Variants in CFTR observed in about 807,000 individuals in gnomAD.
CFTR encodes the protein CF transmembrane conductance regulator, also known as cystic fibrosis transmembrane conductance regulator.
CFTR carries 181 observed loss-of-function variants against 171.6 expected under a neutral mutation model. That is an observed-to-expected ratio of 1.05 (90% CI 0.93 to 1.19). CFTR has a LOEUF of 1.19. CFTR is among the 50% of genes most tolerant of loss of function. The probability of loss-of-function intolerance (pLI) is 0.00; values close to 1 mark genes in which losing one functional copy is unlikely to be tolerated. For missense variants in CFTR, 1,968 were observed against 1,734.7 expected (o/e 1.13, Z -2.39); for synonymous variants, 583 against 608.0 (o/e 0.96, Z 0.60).
At chr7:117,660,696 A>C (rs1793264216) in intron 24 of CFTR, among the ~76,000 whole-genome samples, 2 of 151,634 alleles carry the variant, frequency 1.3e-5, no homozygotes, top group African/African-American at 4.8e-5. Context: ...GTGTATATAC[A>C]CACACATATA....
At chr7:117,659,524 C>A in intron 24 of CFTR, among the ~76,000 whole-genome samples, 1 of 152,162 alleles carries the variant, frequency 6.6e-6, no homozygotes, top group East Asian at 1.9e-4. Flanking sequence ...GTATTACCAT[C>A]CTCACTTTAG....
chr7:117,505,144 C>T (rs903343260), intron 2 of CFTR, among the ~76,000 whole-genome samples: 1 of 152,096 alleles, frequency 6.6e-6, no homozygotes, highest in African/African-American at 2.4e-5. Flanking sequence ...ATCATTATCT[C>T]TATTTTACAG....
intron 23 of CFTR, among the ~76,000 whole-genome samples, chr7:117,649,674 T>C (rs537635249): frequency 2.0e-5 from 3 of 152,158 alleles, no homozygotes; most frequent in African/African-American, 4.8e-5. Context: ...GAAGAATTTA[T>C]TGAGCATATA....
chr7:117,660,318 T>A (rs550526466), intron 24 of CFTR, among the ~76,000 whole-genome samples: 1 of 152,222 alleles, frequency 6.6e-6, no homozygotes, highest in African/African-American at 2.4e-5. Context: ...AAAAATGGTT[T>A]CTAATGATAG....
At position 117,542,123 on chromosome 7, in the gene CFTR, A is replaced by G. The variant is rs1194116390; in HGVS notation, c.1209+15A>G. On this transcript the variant is annotated intron_variant, in intron 9 of 26. Coordinates refer to ENST00000003084, the MANE Select transcript of CFTR (RefSeq NM_000492.4). ...TCTGGGAGGAGGTCAGAATTTTTAA[A>G]AAATTGTTTGCTCTAAACACCTAAC... 1.5e-6 allele frequency: 2 copies of G among 1,361,486 alleles called. No homozygotes were observed. Among genetic ancestry groups the G allele is most frequent in the African/African-American group, 2.9e-5 (2 of 69,960 alleles). 84.3% of individuals were successfully genotyped at this position (1,361,486 alleles called of 1,614,324 possible).
At chr7:117,615,775 G>C (rs931527673) in intron 21 of CFTR, among the ~76,000 whole-genome samples, 14 of 151,756 alleles carry the variant, frequency 9.2e-5, no homozygotes, top group African/African-American at 3.4e-4. Flanking sequence ...ACTCATTTTT[G>C]TTTAAAAAAT....
In CFTR at chr7:117,608,454, C is replaced by T. The variant is rs1792335187; in HGVS notation, c.2988+1701C>T. On this transcript the variant is annotated intron_variant, in intron 18 of 26. Coordinates refer to ENST00000003084, the MANE Select transcript of CFTR (RefSeq NM_000492.4). ...TCCTGAACTCCTGACCTCAAGTGAT[C>T]CACCTGCCTCAGCCTCTTAAAGAGC... 1.3e-5 allele frequency among the ~76,000 whole-genome samples: 2 copies of T among 152,144 alleles called. 1 individual carries two copies. The highest frequency in any genetic ancestry group is 2.9e-5 in the Non-Finnish European group (2 of 68,014).
chr7:117,624,767 GA>G (rs1335295371), intron 21 of CFTR, among the ~76,000 whole-genome samples: 5 of 152,138 alleles, frequency 3.3e-5, no homozygotes, highest in African/African-American at 1.2e-4. Flanking sequence ...TTTTTGCATA[GA>G]CACTATGTTT....
At position 117,518,746 on chromosome 7, in the gene CFTR, TA is replaced by T. The variant is rs1364833810; in HGVS notation, c.273+9607del. ...GCACCCAGTCCAGTCCCTGTCTTTT[TA>T]AATAGACTCTCTACCTAAGTGCACA... On this transcript the variant is annotated intron_variant, in intron 3 of 26. Transcript: ENST00000003084. Among the ~76,000 whole-genome samples, 3 of 151,930 alleles carry T rather than the reference TA, an allele frequency of 2.0e-5. No individual in the cohort carries two copies. In the East Asian group the frequency reaches 5.8e-4, roughly 29 times the overall value.
chr7:117,482,766 G>C (rs1192146997), intron 1 of CFTR, among the ~76,000 whole-genome samples: 2 of 152,128 alleles, frequency 1.3e-5, no homozygotes, highest in Non-Finnish European at 1.5e-5. Flanking sequence ...TATTCAGTTT[G>C]TTCCTCTCTG....
Position 117,594,944 on chromosome 7 carries a change from T to C in CFTR, c.2505T>C (p.Asp835=), listed in dbSNP as rs761043298. The C allele has an allele frequency of 1.1e-5, 18 of 1,613,020 alleles. No homozygotes were observed. In the East Asian group the frequency reaches 3.4e-4, roughly 30 times the overall value. ...NEEDLKECFF[D]DMESIPAVTT... is the part of the protein sequence containing the mutation. ...CTTTTATTCAGGAGTGCTTTTTTGA[T>C]GATATGGAGAGCATACCAGCAGTGA... The change falls in exon 15 of 27, where the codon GAT becomes GAC. Residue 835 remains aspartate (D), a synonymous_variant. Coordinates refer to ENST00000003084, the MANE Select transcript of CFTR (RefSeq NM_000492.4).
At chr7:117,589,066 T>C (rs1308914640) in intron 12 of CFTR, among the ~76,000 whole-genome samples, 1 of 152,040 alleles carries the variant, frequency 6.6e-6, no homozygotes, top group African/African-American at 2.4e-5. Context: ...TAAGATTTGG[T>C]TTTGCTGTAA....
chr7:117,489,771 G>A (rs1039807300), intron 1 of CFTR, among the ~76,000 whole-genome samples: 2 of 151,748 alleles, frequency 1.3e-5, no homozygotes, highest in Non-Finnish European at 2.9e-5. Context: ...GATCAATCTA[G>A]TGTGCTAAAA....
chr7:117,567,200 C>G (rs35283383), intron 11 of CFTR, among the ~76,000 whole-genome samples: 11 of 152,188 alleles, frequency 7.2e-5, no homozygotes, highest in Non-Finnish European at 1.2e-4. Context: ...ACTCTACACT[C>G]TTAGCGTTTT....
chr7:117,506,443 G>T (rs182739811), intron 2 of CFTR, among the ~76,000 whole-genome samples: 32 of 152,118 alleles, frequency 2.1e-4, no homozygotes, highest in African/African-American at 7.7e-4. Context: ...GTGGAGTTTC[G>T]CCATGTTGGC....
intron 22 of CFTR, among the ~76,000 whole-genome samples, chr7:117,637,706 G>A (rs769169429): frequency 6.6e-6 from 1 of 152,018 alleles, no homozygotes; most frequent in African/African-American, 2.4e-5. Flanking sequence ...GTGAAACCCC[G>A]TCTCTACTAA....
intron 1 of CFTR, among the ~76,000 whole-genome samples, chr7:117,485,864 A>G (rs541783528): frequency 1.3e-5 from 2 of 152,240 alleles, no homozygotes; most frequent in South Asian, 4.1e-4. Context: ...TGATATTCAG[A>G]CCATTTCAAG....
intron 3 of CFTR, among the ~76,000 whole-genome samples, chr7:117,523,333 A>G (rs1798712603): frequency 6.6e-6 from 1 of 151,884 alleles, no homozygotes; most frequent in South Asian, 2.1e-4. Flanking sequence ...CTCCAGCCCA[A>G]GCAACAAAGC....
chr7:117,543,538 A>G (rs992066481), intron 9 of CFTR, among the ~76,000 whole-genome samples: 1 of 152,204 alleles, frequency 6.6e-6, no homozygotes, highest in Admixed American at 6.5e-5. Flanking sequence ...GTTTTGTCCC[A>G]ATTAATTCTC....
Sources: gnomAD v4.1 joint callset for allele counts (sites outside exome capture counted in the v4.1 genomes callset) on GRCh38, gnomAD v4.1.1 for gene constraint, MANE v1.5 for transcripts, NCBI Gene and HGNC (gene_info 2026-07-23, HGNC 2026-07-21) for gene names.